Variants in LHFPL3 observed in about 807,000 individuals in gnomAD.
LHFPL3 encodes LHFPL tetraspan subfamily member 3, also known as LHFPL tetraspan subfamily member 3 protein.
In LHFPL3, 5 loss-of-function variants were observed where a neutral mutation model predicts 19.3. The observed-to-expected ratio is 0.26, with a 90% CI of 0.14 to 0.54. The LOEUF (loss-of-function observed/expected upper bound fraction) is 0.54, where lower values mean the gene tolerates loss of function less well. LHFPL3 is among the 20% of genes least tolerant of loss of function. The pLI, the probability that LHFPL3 is intolerant of heterozygous loss-of-function variation, is 0.94. For synonymous variants in LHFPL3, 133 were observed against 126.2 expected (o/e 1.05, Z -0.36); for missense variants, 249 against 307.4 (o/e 0.81, Z 1.42).
intron 1 of LHFPL3, among the ~76,000 whole-genome samples, chr7:104,645,729 T>C (rs1037303971): frequency 4.1e-5 from 6 of 145,380 alleles, no homozygotes. Flanking sequence ...GGCGTGATCT[T>C]GGCTCACTGC....
At chr7:104,458,015 G>A (rs550156898) in intron 1 of LHFPL3, among the ~76,000 whole-genome samples, 31 of 149,424 alleles carry the variant, frequency 2.1e-4, no homozygotes, top group Non-Finnish European at 1.5e-4. Flanking sequence ...CTGGATATTA[G>A]CCCTTTGTCA....
chr7:104,778,110 C>T (rs968115695), intron 2 of LHFPL3, among the ~76,000 whole-genome samples: 2 of 152,182 alleles, frequency 1.3e-5, no homozygotes, highest in African/African-American at 4.8e-5. Flanking sequence ...AAAGGGTGGA[C>T]CTATAGGTGC....
chr7:104,387,302 A>C (rs1165020070), intron 1 of LHFPL3, among the ~76,000 whole-genome samples: 1 of 152,138 alleles, frequency 6.6e-6, no homozygotes, highest in Non-Finnish European at 1.5e-5. Flanking sequence ...CTAGAGGTAA[A>C]TGTTGCAGTA....
chr7:104,398,034 A>G (rs1295761270), intron 1 of LHFPL3, among the ~76,000 whole-genome samples: 1 of 150,370 alleles, frequency 6.7e-6, no homozygotes, highest in Non-Finnish European at 1.5e-5. Flanking sequence ...CATTTTTGAC[A>G]TGGGTATTAT....
At chr7:104,785,985 C>T (rs1185324379) in intron 2 of LHFPL3, among the ~76,000 whole-genome samples, 1 of 152,192 alleles carries the variant, frequency 6.6e-6, no homozygotes, top group Non-Finnish European at 1.5e-5. Flanking sequence ...CACACTTGCC[C>T]TCTGCACAAT....
chr7:104,806,538 C>T (rs1790364670), intron 2 of LHFPL3, among the ~76,000 whole-genome samples: 1 of 152,068 alleles, frequency 6.6e-6, no homozygotes, highest in African/African-American at 2.4e-5. Context: ...TGACTGTAAA[C>T]ATTTTCTCTT....
intron 1 of LHFPL3, among the ~76,000 whole-genome samples, chr7:104,423,285 G>A (rs1368023178): frequency 1.3e-5 from 2 of 152,068 alleles, no homozygotes; most frequent in African/African-American, 4.8e-5. Flanking sequence ...ACATAAGTGG[G>A]TCATCCAACT....
intron 1 of LHFPL3, among the ~76,000 whole-genome samples, chr7:104,345,432 G>T (rs1790046476): frequency 6.6e-6 from 1 of 151,818 alleles, no homozygotes; most frequent in African/African-American, 2.4e-5. Context: ...TTTTTAATTT[G>T]GTTACCAAGT....
chr7:104,561,705 G>C (rs1171543616), intron 1 of LHFPL3, among the ~76,000 whole-genome samples: 2 of 151,952 alleles, frequency 1.3e-5, no homozygotes, highest in African/African-American at 4.8e-5. Flanking sequence ...ATTGTTATGT[G>C]TGAATTTGAT....
intron 2 of LHFPL3, among the ~76,000 whole-genome samples, chr7:104,852,517 T>C (rs1193303367): frequency 1.3e-5 from 2 of 152,074 alleles, no homozygotes; most frequent in Non-Finnish European, 2.9e-5. Flanking sequence ...TGTTTGGGAG[T>C]TGGGAATAGG....
chr7:104,362,087 C>T (rs75885916), intron 1 of LHFPL3, among the ~76,000 whole-genome samples: 2 of 152,136 alleles, frequency 1.3e-5, no homozygotes, highest in East Asian at 3.8e-4. Context: ...CAGAGATGTT[C>T]CTGGGTTCTA....
chr7:104,349,183 TA>T (rs1195489014), intron 1 of LHFPL3, among the ~76,000 whole-genome samples: 1 of 152,116 alleles, frequency 6.6e-6, no homozygotes, highest in African/African-American at 2.4e-5. Context: ...TATGAAATAA[TA>T]AAAAAATTAA....
At chr7:104,743,873 G>A (rs888596452) in intron 2 of LHFPL3, among the ~76,000 whole-genome samples, 1 of 151,846 alleles carries the variant, frequency 6.6e-6, no homozygotes, top group Non-Finnish European at 1.5e-5. Flanking sequence ...TCACGCTCAC[G>A]CTGTCACCCA....
intron 1 of LHFPL3, among the ~76,000 whole-genome samples, chr7:104,652,322 A>C (rs547183690): frequency 1.8e-3 from 278 of 152,344 alleles, no homozygotes; most frequent in Non-Finnish European, 3.3e-3. Context: ...GTGGGGGAAA[A>C]GTGAAGCAAA....
intron 2 of LHFPL3, among the ~76,000 whole-genome samples, chr7:104,741,234 G>A (rs182901666): frequency 5.9e-5 from 9 of 151,964 alleles, no homozygotes; most frequent in Admixed American, 5.2e-4. Flanking sequence ...TCCTTTCCAC[G>A]AGATCATTTG....
chr7:104,501,680 T>C (rs960151066), intron 1 of LHFPL3, among the ~76,000 whole-genome samples: 2 of 152,180 alleles, frequency 1.3e-5, no homozygotes, highest in African/African-American at 4.8e-5. Context: ...GATTGTGGAT[T>C]GGTTGACCTG....
chr7:104,442,801 G>A (rs1428382572), intron 1 of LHFPL3, among the ~76,000 whole-genome samples: 1 of 152,214 alleles, frequency 6.6e-6, no homozygotes, highest in Non-Finnish European at 1.5e-5. Context: ...ACTTTTCAAA[G>A]TATATCACTA....
At position 104,375,024 on chromosome 7, in the gene LHFPL3, G is replaced by A. The variant is rs76830231; in HGVS notation, c.445+45800G>A. ...TGTCAGTATATTTTCATTTCAATTT[G>A]TAATGAATTTTATCTGTAGAAATAA... On this transcript the variant is annotated intron_variant, in intron 1 of 2. Coordinates refer to ENST00000424859, the MANE Select transcript of LHFPL3 (RefSeq NM_199000.3). Among the ~76,000 whole-genome samples, 1,130 of 152,262 alleles carry A rather than the reference G, an allele frequency of 7.4e-3. 15 individuals are homozygous for A. Among genetic ancestry groups the A allele is most frequent in the African/African-American group, 0.026 (1,070 of 41,546 alleles).
chr7:104,397,851 C>T (rs1791222989), intron 1 of LHFPL3, among the ~76,000 whole-genome samples: 1 of 152,204 alleles, frequency 6.6e-6, no homozygotes, highest in Non-Finnish European at 1.5e-5. Flanking sequence ...AGAGGAGGGA[C>T]ATTCCTTGTT....
Sources: allele counts gnomAD v4.1 joint callset (sites outside exome capture counted in the v4.1 genomes callset), GRCh38; gene constraint gnomAD v4.1.1; transcripts MANE v1.5; gene names NCBI Gene and HGNC (gene_info 2026-07-23, HGNC 2026-07-21).